Variants in SCGB2B2 observed in about 807,000 individuals in gnomAD.
SCGB2B2 encodes secretoglobin family 2B member 2.
In SCGB2B2, 11 loss-of-function variants were observed where a neutral mutation model predicts 7.6. The observed-to-expected ratio is 1.45, with a 90% CI of 0.91 to 2.40. The LOEUF is 2.40. SCGB2B2 is among the 30% of genes most tolerant of loss of function. The probability of loss-of-function intolerance (pLI) is 0.00; values close to 1 mark genes in which losing one functional copy is unlikely to be tolerated. For synonymous variants in SCGB2B2, 50 were observed against 48.6 expected, an observed-to-expected ratio of 1.03 and a Z score of -0.12; for missense variants, 104 against 115.4, an observed-to-expected ratio of 0.90 and a Z score of 0.45.
chr19:34,664,059 A>G (rs1444161219), intron 1 of SCGB2B2, among the ~76,000 whole-genome samples: 1 of 151,798 alleles, frequency 6.6e-6, no homozygotes, highest in Non-Finnish European at 1.5e-5. Flanking sequence ...CTATCCAGAA[A>G]GTCTCATCTC....
chr19:34,604,139 GTCA>G (rs1600040914), intron 1 of SCGB2B2, among the ~76,000 whole-genome samples: 1 of 152,046 alleles, frequency 6.6e-6, no homozygotes, highest in Non-Finnish European at 1.5e-5. Context: ...TCCTAATCAT[GTCA>G]TCATTCAGTG....
chr19:34,600,404 T>G (rs1477733321), intron 1 of SCGB2B2, among the ~76,000 whole-genome samples: 1 of 152,196 alleles, frequency 6.6e-6, no homozygotes, highest in African/African-American at 2.4e-5. Context: ...TTGTTGGGGT[T>G]TGTGCCCATG....
At chr19:34,615,845 C>G (rs1278513248) in intron 1 of SCGB2B2, among the ~76,000 whole-genome samples, 1 of 122,662 alleles carries the variant, frequency 8.2e-6, no homozygotes, top group African/African-American at 3.0e-5. Context: ...TCCCTCCCCC[C>G]ACCCCACAAC....
intron 1 of SCGB2B2, among the ~76,000 whole-genome samples, chr19:34,632,227 C>T (rs1001803453): frequency 1.3e-5 from 2 of 151,994 alleles, no homozygotes; most frequent in African/African-American, 4.8e-5. Flanking sequence ...GAGATATGTA[C>T]CAAAAATATG....
At chr19:34,616,144 A>T (rs2066072107) in intron 1 of SCGB2B2, among the ~76,000 whole-genome samples, 1 of 149,326 alleles carries the variant, frequency 6.7e-6, no homozygotes, top group Non-Finnish European at 1.5e-5. Context: ...TGCTGCAATA[A>T]ACATACGTGT....
At chr19:34,672,696 C>T (rs900831002) in intron 1 of SCGB2B2, among the ~76,000 whole-genome samples, 1 of 152,160 alleles carries the variant, frequency 6.6e-6, no homozygotes, top group African/African-American at 2.4e-5. Context: ...ATTTGTATCC[C>T]CCCAAAATTC....
chr19:34,600,918 GGTGTGT>G (rs59535318), intron 1 of SCGB2B2, among the ~76,000 whole-genome samples: 31 of 150,124 alleles, frequency 2.1e-4, no homozygotes, highest in African/African-American at 5.6e-4. Context: ...CTCGGGGTGT[GGTGTGT>G]GTGTGTGTGT....
At chr19:34,614,272 G>A (rs1568432048) in intron 1 of SCGB2B2, among the ~76,000 whole-genome samples, 1 of 151,730 alleles carries the variant, frequency 6.6e-6, no homozygotes, top group Non-Finnish European at 1.5e-5. Context: ...TGTTGCATAA[G>A]TTTTATAACT....
chr19:34,666,275 G>A (rs555575910), intron 1 of SCGB2B2, among the ~76,000 whole-genome samples: 109 of 152,040 alleles, frequency 7.2e-4, no homozygotes, highest in African/African-American at 2.6e-3. Flanking sequence ...AATCACACCC[G>A]CATATTCAGA....
intron 1 of SCGB2B2, among the ~76,000 whole-genome samples, chr19:34,674,940 T>A (rs2067885672): frequency 6.6e-6 from 1 of 152,156 alleles, no homozygotes; most frequent in African/African-American, 2.4e-5. Context: ...TTAAACCTCA[T>A]TTTTTCCTAT....
chr19:34,650,731 G>A (rs1219276126), intron 1 of SCGB2B2, among the ~76,000 whole-genome samples: 2 of 151,200 alleles, frequency 1.3e-5, no homozygotes, highest in Admixed American at 1.3e-4. Context: ...TGAAGAGTAC[G>A]GAATTCTTCC....
At position 34,594,159 on chromosome 19, in the gene SCGB2B2, C is replaced by G. The variant is rs770177122; in HGVS notation, c.246+16G>C. The G allele has an allele frequency of 1.2e-5, 19 of 1,608,638 alleles. No homozygotes were observed. The highest frequency in any genetic ancestry group is 1.7e-5 in the Admixed American group (1 of 59,934). On this transcript the variant is annotated intron_variant, in intron 3 of 3. Transcript: ENST00000601241. ...GTGGCCATGTAGTGTGTGCAGGTCC[C>G]CCCGGGCACACTCACAATAACAACT...
chr19:34,628,536 G>C (rs936280985), intron 1 of SCGB2B2, among the ~76,000 whole-genome samples: 1 of 151,830 alleles, frequency 6.6e-6, no homozygotes, highest in Middle Eastern at 3.4e-3. Flanking sequence ...ATAAATTCCT[G>C]GACACATACA....
At chr19:34,606,950 G>A (rs1379731353) in intron 1 of SCGB2B2, among the ~76,000 whole-genome samples, 3 of 152,110 alleles carry the variant, frequency 2.0e-5, no homozygotes, top group Non-Finnish European at 4.4e-5. Flanking sequence ...ATTATTAATC[G>A]TGGCCACCAC....
At chr19:34,651,245 G>A (rs1254226295) in intron 1 of SCGB2B2, among the ~76,000 whole-genome samples, 1 of 151,248 alleles carries the variant, frequency 6.6e-6, no homozygotes, top group African/African-American at 2.5e-5. Flanking sequence ...GGAAGTCCTA[G>A]CCAGAGTGAT....
intron 1 of SCGB2B2, among the ~76,000 whole-genome samples, chr19:34,602,371 A>G (rs1448200818): frequency 1.3e-5 from 2 of 152,120 alleles, no homozygotes; most frequent in Admixed American, 1.3e-4. Context: ...CATTTTGTCT[A>G]TGTCCTTGAG....
rs990170650 is a variant in SCGB2B2 at position 34,619,200 on chromosome 19, A to G, written c.-2031-22606T>C. Among the ~76,000 whole-genome samples, 6 of 152,200 alleles carry G rather than the reference A, an allele frequency of 3.9e-5. No individual in the cohort carries two copies. In the East Asian group the frequency reaches 1.2e-3, roughly 29 times the overall value. On this transcript the variant is annotated intron_variant, in intron 1 of 3. Transcript: ENST00000601241. Reference sequence around the variant, plus strand: ...TTTACACCACACACGTAACACACATAATACACAGACAAAAACGGAGATCCA... The same window carrying G: ...TTTACACCACACACGTAACACACATGATACACAGACAAAAACGGAGATCCA...
intron 1 of SCGB2B2, among the ~76,000 whole-genome samples, chr19:34,602,767 T>C (rs943607584): frequency 4.6e-5 from 7 of 152,180 alleles, no homozygotes; most frequent in Admixed American, 2.6e-4. Flanking sequence ...TATCTCCCTT[T>C]AGATATTTCG....
intron 1 of SCGB2B2, among the ~76,000 whole-genome samples, chr19:34,598,031 T>C (rs929936579): frequency 1.2e-4 from 18 of 149,876 alleles, no homozygotes; most frequent in African/African-American, 4.2e-4. Context: ...GGCTTCTAAG[T>C]GGGGGTGATG....
Sources: gnomAD v4.1 joint callset for allele counts (sites outside exome capture counted in the v4.1 genomes callset) on GRCh38, gnomAD v4.1.1 for gene constraint, MANE v1.5 for transcripts, NCBI Gene and HGNC (gene_info 2026-07-23, HGNC 2026-07-21) for gene names.